The following AOPEP variants were observed in gnomAD, a reference collection of about 807,000 sequenced individuals.
AOPEP encodes the protein aminopeptidase O.
A neutral mutation model predicts 98.1 loss-of-function variants in AOPEP; 77 were observed. The observed-to-expected ratio is 0.78, with a 90% CI of 0.65 to 0.95. The LOEUF (loss-of-function observed/expected upper bound fraction) is 0.95, where lower values mean the gene tolerates loss of function less well. Among genes scored for constraint, AOPEP ranks in the 40% least tolerant of loss-of-function variants. The probability of loss-of-function intolerance (pLI) is 0.00; values close to 1 mark genes in which losing one functional copy is unlikely to be tolerated. For synonymous variants in AOPEP, 346 were observed against 365.3 expected (o/e 0.95, Z 0.60); for missense variants, 1,024 against 1,024.7 (o/e 1.00, Z 0.01).
the AOPEP span, chr9:95,099,677 C>G: frequency 2.6e-5 from 6 of 231,954 alleles, no homozygotes; most frequent in East Asian, 3.6e-4. Flanking sequence ...TGCCACGTCC[C>G]CAGAGGGACA....
chr9:95,110,961 A>ATTACT, the AOPEP span: 3 of 1,398,926 alleles, frequency 2.1e-6, no homozygotes, highest in African/African-American at 1.4e-5. Flanking sequence ...ATATCATCTG[A>ATTACT]TTACTTTAGT....
intron 14 of AOPEP, among the ~76,000 whole-genome samples, chr9:95,079,029 G>A (rs763329508): frequency 2.0e-5 from 3 of 152,154 alleles, no homozygotes; most frequent in South Asian, 2.1e-4. Flanking sequence ...AGATTTTGCC[G>A]TCCCAGCCTC....
intron 11 of AOPEP, among the ~76,000 whole-genome samples, chr9:95,002,856 G>T (rs2061652399): frequency 6.6e-6 from 1 of 152,194 alleles, no homozygotes; most frequent in African/African-American, 2.4e-5. Flanking sequence ...GTGGAGGATG[G>T]ATTCTGGGAT....
At chr9:94,933,455 G>A (rs1588962283) in intron 7 of AOPEP, 3 of 985,420 alleles carry the variant, frequency 3.0e-6, no homozygotes, top group Non-Finnish European at 3.6e-6. Context: ...ACGTTAAAAT[G>A]TATCGCTTTA....
intron 3 of AOPEP, 108 bp from the exon 4 acceptor site, chr9:94,792,657 C>A: frequency 9.0e-7 from 1 of 1,111,020 alleles, no homozygotes; most frequent in Non-Finnish European, 1.2e-6. Context: ...AGAGTTGGCT[C>A]TTACCAGCTT....
intron 14 of AOPEP, among the ~76,000 whole-genome samples, chr9:95,070,297 T>C (rs1227393232): frequency 1.3e-5 from 2 of 152,220 alleles, no homozygotes; most frequent in Non-Finnish European, 2.9e-5. Context: ...TATTGCAGGG[T>C]AGACTTATTA....
chr9:94,852,704 G>A (rs1027564813), intron 5 of AOPEP, among the ~76,000 whole-genome samples: 19 of 152,180 alleles, frequency 1.2e-4, no homozygotes, highest in Admixed American at 7.2e-4. Flanking sequence ...AAAAATCAAT[G>A]CAGTCATTTT....
chr9:94,764,468 G>A (rs138555890), intron 2 of AOPEP, among the ~76,000 whole-genome samples: 5,958 of 152,046 alleles, frequency 0.039, 365 homozygotes, highest in African/African-American at 0.14. Flanking sequence ...CCAACATGGC[G>A]AAACCCCATC....
chr9:94,826,221 G>A (rs1433394569), intron 5 of AOPEP, among the ~76,000 whole-genome samples: 1 of 152,150 alleles, frequency 6.6e-6, no homozygotes, highest in Non-Finnish European at 1.5e-5. Flanking sequence ...TTTCGTCCGC[G>A]GGCTTCAAGT....
intron 4 of AOPEP, among the ~76,000 whole-genome samples, chr9:94,797,420 A>C (rs959550872): frequency 4.2e-4 from 60 of 143,844 alleles, no homozygotes; most frequent in African/African-American, 1.5e-3. Flanking sequence ...ATAGAGCAAG[A>C]CTCCGTCTCA....
chr9:94,995,272 T>C (rs975154285), intron 11 of AOPEP, among the ~76,000 whole-genome samples: 2 of 152,234 alleles, frequency 1.3e-5, no homozygotes, highest in African/African-American at 4.8e-5. Context: ...AGGTTCAAAA[T>C]ACCAGATAGA....
At chr9:95,029,847 A>T (rs2064146905) in intron 13 of AOPEP, among the ~76,000 whole-genome samples, 3 of 152,094 alleles carry the variant, frequency 2.0e-5, no homozygotes, top group Admixed American at 2.0e-4. Context: ...TTGTCCTGGG[A>T]GATGGGTGGC....
At chr9:94,884,638 A>C (rs2135924239) in intron 5 of AOPEP, among the ~76,000 whole-genome samples, 1 of 152,320 alleles carries the variant, frequency 6.6e-6, no homozygotes, top group South Asian at 2.1e-4. Context: ...TTCGTCATCC[A>C]AAAAGTGGGG....
chr9:95,133,871 G>A, the AOPEP span, among the ~76,000 whole-genome samples: 1 of 152,186 alleles, frequency 6.6e-6, no homozygotes, highest in East Asian at 1.9e-4. Flanking sequence ...CTGTCAGAGG[G>A]CTTCTGAAAG....
At chr9:95,097,156 ATC>A in the AOPEP span, among the ~76,000 whole-genome samples, 2 of 152,358 alleles carry the variant, frequency 1.3e-5, no homozygotes, top group South Asian at 4.1e-4. Context: ...CCTACAAAAC[ATC>A]TTTCTGAAAA....
intron 13 of AOPEP, among the ~76,000 whole-genome samples, chr9:95,027,545 A>T (rs909297287): frequency 1.3e-5 from 2 of 152,084 alleles, no homozygotes; most frequent in African/African-American, 4.8e-5. Flanking sequence ...GTCAGTTTGT[A>T]TTTCTGATTA....
In AOPEP at chr9:95,019,382, T is replaced by C. The variant is rs528891114; in HGVS notation, c.2115+13766T>C. The C allele has an allele frequency of 5.3e-5, 8 of 152,348 alleles. No homozygotes were observed. In the South Asian group the frequency reaches 1.7e-3, roughly 32 times the overall value. 9.4% of individuals were successfully genotyped at this position (152,348 alleles called of 1,614,324 possible). A position where few individuals can be genotyped will look rare whatever the true frequency, so the allele number is the denominator to read the frequency against. ...AGATTTGTATTCTATCAAAGCTCCA[T>C]TTTAGATAATCTATCATCATTTTTT... On this transcript the variant is annotated intron_variant, in intron 13 of 16. Coordinates refer to ENST00000375315, the MANE Select transcript of AOPEP (RefSeq NM_001193329.3).
intron 6 of AOPEP, among the ~76,000 whole-genome samples, chr9:94,927,520 G>A (rs1404562109): frequency 2.0e-5 from 3 of 152,022 alleles, no homozygotes; most frequent in Admixed American, 6.5e-5. Context: ...TGCTCTTCCC[G>A]AAATCCCTCC....
At chr9:94,812,472 C>G (rs775789618) in intron 5 of AOPEP, among the ~76,000 whole-genome samples, 18 of 152,144 alleles carry the variant, frequency 1.2e-4, no homozygotes, top group Middle Eastern at 6.4e-3. Flanking sequence ...CTTTATACCC[C>G]CTGCCTGAGG....
Sources: gnomAD v4.1 joint callset for allele counts (sites outside exome capture counted in the v4.1 genomes callset) on GRCh38, gnomAD v4.1.1 for gene constraint, MANE v1.5 for transcripts, NCBI Gene and HGNC (gene_info 2026-07-23, HGNC 2026-07-21) for gene names.